LRRC4C: variants seen among roughly 807,000 people sequenced by gnomAD.
The protein encoded by LRRC4C is leucine-rich repeat-containing protein 4C.
LRRC4C carries 5 observed loss-of-function variants against 33.6 expected under a neutral mutation model. That is an observed-to-expected ratio of 0.15 (90% CI 0.08 to 0.31). The LOEUF is 0.31. Among genes scored for constraint, LRRC4C ranks in the 10% least tolerant of loss-of-function variants. The probability of loss-of-function intolerance (pLI) is 1.00; values close to 1 mark genes in which losing one functional copy is unlikely to be tolerated. For synonymous variants in LRRC4C, 329 were observed against 302.0 expected, an observed-to-expected ratio of 1.09 and a Z score of -0.93; for missense variants, 560 against 796.7, an observed-to-expected ratio of 0.70 and a Z score of 3.58.
intron 3 of LRRC4C, among the ~76,000 whole-genome samples, chr11:40,523,972 C>A (rs1348214356): frequency 6.6e-6 from 1 of 152,038 alleles, no homozygotes; most frequent in African/African-American, 2.4e-5. Context: ...CATTTTTCTT[C>A]GCAAATAAAA....
At chr11:40,590,585 T>C (rs1426280414) in intron 3 of LRRC4C, among the ~76,000 whole-genome samples, 2 of 152,150 alleles carry the variant, frequency 1.3e-5, no homozygotes, top group Non-Finnish European at 2.9e-5. Context: ...TTTTCTGTTC[T>C]GTTTTTTCCC....
At chr11:40,872,744 A>G (rs2135951205) in intron 2 of LRRC4C, among the ~76,000 whole-genome samples, 1 of 152,284 alleles carries the variant, frequency 6.6e-6, no homozygotes, top group South Asian at 2.1e-4. Context: ...ATATTTCAGT[A>G]GTCAATATGG....
At chr11:41,275,887 A>G (rs1949468454) in intron 1 of LRRC4C, among the ~76,000 whole-genome samples, 1 of 152,226 alleles carries the variant, frequency 6.6e-6, no homozygotes, top group African/African-American at 2.4e-5. Flanking sequence ...GATTTTCTCT[A>G]TACAAACGTA....
At position 40,114,919 on chromosome 11, in the gene LRRC4C, T is replaced by A. The variant is rs568718099; in HGVS notation, c.1374A>T (p.Thr458=). ...TTPFSYFSTV[T]VETMEPSQDE... is the part of the protein sequence containing the mutation. ...CCTGAGACGGTTCCATAGTCTCTACTGTGACGGTTGAAAAGTAAGAGAAAG... is the reference window on the plus strand; with the variant it reads ...CCTGAGACGGTTCCATAGTCTCTACAGTGACGGTTGAAAAGTAAGAGAAAG... Residue 458 remains threonine (T), a synonymous_variant, in exon 7 of 7, where the codon ACA becomes ACT. Transcript: ENST00000528697. 5 of 1,614,226 alleles carry A rather than the reference T, an allele frequency of 3.1e-6. No individual in the cohort carries two copies. The highest frequency in any genetic ancestry group is 1.6e-4 in the Middle Eastern group (1 of 6,062).
intron 1 of LRRC4C, among the ~76,000 whole-genome samples, chr11:41,110,960 C>A (rs769437593): frequency 2.6e-5 from 4 of 151,270 alleles, no homozygotes; most frequent in Non-Finnish European, 5.9e-5. Flanking sequence ...TTCAATATGT[C>A]TGAGTTGTAA....
At chr11:40,590,050 C>T (rs1209208990) in intron 3 of LRRC4C, among the ~76,000 whole-genome samples, 1 of 151,580 alleles carries the variant, frequency 6.6e-6, no homozygotes, top group Non-Finnish European at 1.5e-5. Context: ...GGAAGTTCTC[C>T]TGGATAATAT....
chr11:40,584,845 T>C (rs1958639981), intron 3 of LRRC4C, among the ~76,000 whole-genome samples: 1 of 151,390 alleles, frequency 6.6e-6, no homozygotes, highest in Non-Finnish European at 1.5e-5. Flanking sequence ...GGCAGGAGAA[T>C]TGCTTGAACC....
rs199553193 is a variant in LRRC4C, at chr11:40,819,049, AC to A, written c.-407+114585del. 8.1e-3 allele frequency among the ~76,000 whole-genome samples: 1,239 copies of A among 152,234 alleles called. 20 individuals carry two copies. The highest frequency in any genetic ancestry group is 0.028 in the African/African-American group (1,173 of 41,556). Reference sequence around the variant, plus strand: ...AAATTGATGATTCATTTCCTATGAAACTTTTAAAGAAAATCTGAAAGGAAGG... The same window carrying A: ...AAATTGATGATTCATTTCCTATGAAATTTTAAAGAAAATCTGAAAGGAAGG... On this transcript the variant is annotated intron_variant, in intron 2 of 6. Coordinates refer to ENST00000528697, the MANE Select transcript of LRRC4C (RefSeq NM_001258419.2).
chr11:41,327,025 G>C (rs1951142614), intron 1 of LRRC4C, among the ~76,000 whole-genome samples: 1 of 152,086 alleles, frequency 6.6e-6, no homozygotes, highest in Non-Finnish European at 1.5e-5. Context: ...GATGAGCCGA[G>C]TCCAGTAACT....
At chr11:40,733,940 TACTGTTACCTGGG>T (rs1349315645) in intron 2 of LRRC4C, among the ~76,000 whole-genome samples, 1 of 152,198 alleles carries the variant, frequency 6.6e-6, no homozygotes, top group Non-Finnish European at 1.5e-5. Flanking sequence ...TTTGGAGACA[TACTGTTACCTGGG>T]AAAGAGGTAC....
intron 1 of LRRC4C, among the ~76,000 whole-genome samples, chr11:41,194,934 C>T (rs908498172): frequency 2.0e-5 from 3 of 151,894 alleles, no homozygotes; most frequent in South Asian, 2.1e-4. Context: ...CTAGTTCCTG[C>T]GGAGGAGAAA....
intron 3 of LRRC4C, among the ~76,000 whole-genome samples, chr11:40,612,336 G>A (rs1961312264): frequency 1.3e-5 from 2 of 151,866 alleles, no homozygotes; most frequent in African/African-American, 4.8e-5. Flanking sequence ...TGTAAAGAAA[G>A]TAAATTCATA....
At chr11:40,763,449 C>A (rs1949318445) in intron 2 of LRRC4C, among the ~76,000 whole-genome samples, 1 of 152,024 alleles carries the variant, frequency 6.6e-6, no homozygotes, top group South Asian at 2.1e-4. Flanking sequence ...AACAGGAACA[C>A]CAAATTCAAC....
intron 1 of LRRC4C, among the ~76,000 whole-genome samples, chr11:41,401,646 C>T (rs1954030534): frequency 6.6e-6 from 1 of 151,826 alleles, no homozygotes; most frequent in Non-Finnish European, 1.5e-5. Flanking sequence ...GGGAAGAGAC[C>T]TGATTTTGAA....
At chr11:41,228,743 T>G (rs976159342) in intron 1 of LRRC4C, among the ~76,000 whole-genome samples, 1 of 152,178 alleles carries the variant, frequency 6.6e-6, no homozygotes, top group African/African-American at 2.4e-5. Flanking sequence ...GTATGTCATT[T>G]TATTTGTCTT....
At chr11:40,899,015 G>T (rs929981289) in intron 2 of LRRC4C, among the ~76,000 whole-genome samples, 1 of 151,450 alleles carries the variant, frequency 6.6e-6, no homozygotes, top group Non-Finnish European at 1.5e-5. Flanking sequence ...AGAATATACT[G>T]CATTCTTCAT....
intron 3 of LRRC4C, among the ~76,000 whole-genome samples, chr11:40,546,288 CTGA>C (rs1272192195): frequency 6.6e-6 from 1 of 151,964 alleles, no homozygotes; most frequent in Non-Finnish European, 1.5e-5. Context: ...GGTCATGATA[CTGA>C]TGATATTAAT....
Position 40,988,962 on chromosome 11 carries a change from CG to C in LRRC4C, c.-495-55240del, listed in dbSNP as rs142674703. On this transcript the variant is annotated intron_variant, in intron 1 of 6. Transcript: ENST00000528697. ...GTCGCGATCTCCTGACCTGGTGATT[CG>C]TGTGCCTTGGCCTCCTAAAGTGCTA... Among the ~76,000 whole-genome samples the C allele has an allele frequency of 7.5e-3, 1,140 of 152,050 alleles. 12 individuals are homozygous for C. The highest frequency in any genetic ancestry group is 0.026 in the African/African-American group (1,094 of 41,494).
At chr11:40,288,365 A>T (rs1044264987) in intron 4 of LRRC4C, among the ~76,000 whole-genome samples, 5 of 152,240 alleles carry the variant, frequency 3.3e-5, no homozygotes, top group Non-Finnish European at 7.3e-5. Context: ...TGCAATATTC[A>T]CACAGATTTC....
Sources: allele counts gnomAD v4.1 joint callset (sites outside exome capture counted in the v4.1 genomes callset), GRCh38; gene constraint gnomAD v4.1.1; transcripts MANE v1.5; gene names NCBI Gene and HGNC (gene_info 2026-07-23, HGNC 2026-07-21).